PCDHA5: variants seen among roughly 807,000 people sequenced by gnomAD.
PCDHA5 encodes protocadherin alpha-5.
Under a neutral mutation model 61.6 loss-of-function variants are expected in PCDHA5, and 43 were observed. That is an observed-to-expected ratio of 0.70 (90% CI 0.55 to 0.90). The LOEUF (loss-of-function observed/expected upper bound fraction) is 0.90. Among genes scored for constraint, PCDHA5 ranks in the 40% least tolerant of loss-of-function variants. The pLI is 0.00. For synonymous variants in PCDHA5, 627 were observed against 543.9 expected (o/e 1.15, Z -2.13); for missense variants, 1,298 against 1,222.7 (o/e 1.06, Z -0.92).
At chr5:140,984,174 G>A (rs557769828) in intron 3 of PCDHA5, among the ~76,000 whole-genome samples, 25 of 152,318 alleles carry the variant, frequency 1.6e-4, no homozygotes, top group African/African-American at 5.8e-4. Flanking sequence ...AAGAAGCCAC[G>A]TGAAATCATG....
chr5:140,930,196 T>C (rs1554207641), intron 1 of PCDHA5: 1 of 152,226 alleles, frequency 6.6e-6, no homozygotes, highest in South Asian at 2.1e-4. Flanking sequence ...AATTTTTATG[T>C]CAGAAATATT....
At chr5:140,837,512 T>G (rs1554136488) in intron 1 of PCDHA5, among the ~76,000 whole-genome samples, 2 of 96,740 alleles carry the variant, frequency 2.1e-5, no homozygotes, top group African/African-American at 1.1e-4. Context: ...TCTGAAGCAG[T>G]TTACTTTTTT....
At chr5:140,928,056 G>T (rs183490994) in intron 1 of PCDHA5, 1 of 1,614,154 alleles carries the variant, frequency 6.2e-7, no homozygotes, top group Admixed American at 1.7e-5. Flanking sequence ...TTCAGCTGAC[G>T]GCTTCCTTTG....
At chr5:140,844,751 T>G (rs1554140718) in intron 1 of PCDHA5, among the ~76,000 whole-genome samples, 1 of 149,538 alleles carries the variant, frequency 6.7e-6, no homozygotes. Flanking sequence ...ATGGGATAAA[T>G]CTTTGAAAAA....
intron 1 of PCDHA5, chr5:140,836,533 T>C (rs1554136046): frequency 1.2e-6 from 2 of 1,613,852 alleles, no homozygotes; most frequent in South Asian, 1.1e-5. Flanking sequence ...ACCCTGCTGC[T>C]GTACACGGCG....
intron 1 of PCDHA5, among the ~76,000 whole-genome samples, chr5:140,844,742 T>C (rs1779524927): frequency 1.3e-5 from 2 of 149,642 alleles, no homozygotes; most frequent in Admixed American, 6.7e-5. Context: ...TTTAGTATTA[T>C]GGGATAAATC....
In PCDHA5 at chr5:140,972,718, C is replaced by T. The variant is rs921637217; in HGVS notation, c.2353-6231C>T. Among the ~76,000 whole-genome samples the T allele has an allele frequency of 9.2e-5, 13 of 142,004 alleles. No individual in the cohort carries two copies. In the East Asian group the frequency reaches 2.5e-3, roughly 27 times the overall value. The allele number at this position is 142,004 out of a possible 152,430, so 93.2% of individuals were successfully genotyped here. A position where few individuals can be genotyped will look rare whatever the true frequency, so the allele number is the denominator to read the frequency against. Reference sequence around the variant, plus strand: ...CTCACTCTGTTGCCAGGCTGGAGTGCAGTGGCGTAATCCCGGCTCACTGCA... The same window carrying T: ...CTCACTCTGTTGCCAGGCTGGAGTGTAGTGGCGTAATCCCGGCTCACTGCA... On this transcript the variant is annotated intron_variant, in intron 1 of 3. Coordinates refer to ENST00000529859, the MANE Select transcript of PCDHA5 (RefSeq NM_018908.3).
In PCDHA5 at chr5:140,857,536, G is replaced by A. The variant is rs782533924; in HGVS notation, c.2352+33409G>A. The A allele has an allele frequency of 2.5e-6, 4 of 1,597,412 alleles. No homozygotes were observed. In the South Asian group the frequency reaches 4.4e-5, roughly 18 times the overall value. ...TGGTGTCCTACTCTCTGGTGGAGCG[G>A]CGGTTGGGCGAGCGCTCGCTGTCGA... On this transcript the variant is annotated intron_variant, in intron 1 of 3. Coordinates refer to ENST00000529859, the MANE Select transcript of PCDHA5 (RefSeq NM_018908.3).
intron 1 of PCDHA5, chr5:140,849,864 C>G (rs1554143420): frequency 6.3e-7 from 1 of 1,598,642 alleles, no homozygotes; most frequent in South Asian, 1.1e-5. Context: ...AGCGTTCGCG[C>G]AGTCCGAGTA....
chr5:140,860,441 A>T (rs1038700248), intron 1 of PCDHA5: 3 of 152,166 alleles, frequency 2.0e-5, no homozygotes, highest in African/African-American at 4.8e-5. Context: ...GATCTTTTTC[A>T]TATTAATTCA....
rs2150185526 is a variant in PCDHA5, at chr5:140,830,370, C to T, written c.2352+6243C>T. ...CAGCAGAGGCGGCAGAGGGTGTGCT[C>T]CGGGGAGGGCCCACCCAAGATGGAT... is the stretch of plus-strand genomic sequence containing the variant. On this transcript the variant is annotated intron_variant, in intron 1 of 3. Coordinates refer to ENST00000529859, the MANE Select transcript of PCDHA5 (RefSeq NM_018908.3). The T allele has an allele frequency of 1.6e-5, 26 of 1,614,014 alleles. No homozygotes were observed. In the East Asian group the frequency reaches 3.6e-4, roughly 22 times the overall value.
intron 1 of PCDHA5, among the ~76,000 whole-genome samples, chr5:140,840,971 G>A (rs1237845348): frequency 6.6e-6 from 1 of 152,000 alleles, no homozygotes; most frequent in African/African-American, 2.4e-5. Flanking sequence ...TCCTTATGAA[G>A]AAGAAATCCC....
At chr5:140,966,983 G>T (rs782294035) in intron 1 of PCDHA5, 1 of 1,603,778 alleles carries the variant, frequency 6.2e-7, no homozygotes, top group Non-Finnish European at 8.5e-7. Flanking sequence ...GCGGCGCTTG[G>T]GGCCGGGTTG....
chr5:140,832,550 C>T (rs2150202230), intron 1 of PCDHA5, among the ~76,000 whole-genome samples: 4 of 152,164 alleles, frequency 2.6e-5, no homozygotes, highest in South Asian at 2.1e-4. Flanking sequence ...CTAATGATAT[C>T]TAACAGCCTC....
chr5:140,930,702 A>T (rs1359159980), intron 1 of PCDHA5, among the ~76,000 whole-genome samples: 1 of 152,234 alleles, frequency 6.6e-6, no homozygotes, highest in African/African-American at 2.4e-5. Context: ...CTTGTAAGTT[A>T]TTCTTCCTCA....
intron 1 of PCDHA5, chr5:140,848,567 G>C (rs2150412959): frequency 6.3e-7 from 1 of 1,595,646 alleles, no homozygotes; most frequent in Non-Finnish European, 8.6e-7. Flanking sequence ...TCGCAATGTG[G>C]GTGGTGGGGA....
rs2150110743 is a variant in PCDHA5 at position 140,821,800 on chromosome 5, C to A, written c.25C>A (p.Leu9Met). ...GATGGTATATTCCCGGAGAGGAAGT[C>A]TGGGATCCCGGCTCCTGCTGCTCTG... MVYSRRGS[L>M]GSRLLLLWLL... The change falls in exon 1 of 4, where the codon CTG (leucine) becomes ATG (methionine). Residue 9 changes from leucine (L) to methionine (M), a missense_variant. Leu to Met is a conservative substitution (Grantham distance 15, BLOSUM62 2). Transcript: ENST00000529859. 1.5e-5 allele frequency: 25 copies of A among 1,613,116 alleles called. No individual in the cohort carries two copies. Among genetic ancestry groups the A allele is most frequent in the Non-Finnish European group, 1.7e-5 (20 of 1,179,466 alleles).
chr5:140,933,762 T>C (rs2089409260), intron 1 of PCDHA5, among the ~76,000 whole-genome samples: 1 of 152,128 alleles, frequency 6.6e-6, no homozygotes, highest in African/African-American at 2.4e-5. Flanking sequence ...AGTGAAGCTC[T>C]CTGTACCTAC....
intron 1 of PCDHA5, among the ~76,000 whole-genome samples, chr5:140,893,588 A>G (rs2064072698): frequency 6.6e-6 from 1 of 152,212 alleles, no homozygotes; most frequent in South Asian, 2.1e-4. Flanking sequence ...TTGTTTGGGA[A>G]ATACTTTATT....
Sources: gnomAD v4.1 joint callset for allele counts (sites outside exome capture counted in the v4.1 genomes callset) on GRCh38, gnomAD v4.1.1 for gene constraint, MANE v1.5 for transcripts, NCBI Gene and HGNC (gene_info 2026-07-23, HGNC 2026-07-21) for gene names.